The following MCM3AP variants were observed in gnomAD, a reference collection of about 807,000 sequenced individuals.
MCM3AP encodes the protein germinal-center associated nuclear protein.
A neutral mutation model predicts 184.1 loss-of-function variants in MCM3AP; 126 were observed. That is an observed-to-expected ratio of 0.68 (90% confidence interval 0.59 to 0.79). MCM3AP has a LOEUF of 0.79. Among genes scored for constraint, MCM3AP ranks in the 30% least tolerant of loss-of-function variants. The pLI is 0.00. For synonymous variants in MCM3AP, 1,002 were observed against 979.3 expected (o/e 1.02, Z -0.43); for missense variants, 2,496 against 2,479.2 (o/e 1.01, Z -0.14).
chr21:46,280,279 T>C (rs1348119100), intron 3 of MCM3AP, 142 bp from the exon 4 acceptor site: 2 of 1,023,580 alleles, frequency 2.0e-6, no homozygotes, highest in African/African-American at 3.3e-5. Context: ...AACTGTGAGA[T>C]GCAAATCCAC....
At chr21:46,249,204 C>T (rs2080829732) in intron 20 of MCM3AP, among the ~76,000 whole-genome samples, 1 of 152,084 alleles carries the variant, frequency 6.6e-6, no homozygotes, top group Non-Finnish European at 1.5e-5. Flanking sequence ...AATTTTCTTT[C>T]TTTTGAGACG....
In MCM3AP at chr21:46,243,671, G is replaced by A. The variant is rs772187537; in HGVS notation, c.5090C>T (p.Pro1697Leu). ...SMVVQYASQI[P>L]SSRQTQPVLQ... ...GACAGGCTGTGTCTGGCGTGAGCTG[G>A]GGATCTGGGAGGCGTACTGGACAAC... Residue 1697 changes from proline (P) to leucine (L), a missense_variant, in exon 24 of 28, where the codon CCC becomes CTC. By Grantham distance (98) the Pro-to-Leu change is moderately conservative. Coordinates refer to ENST00000291688, the MANE Select transcript of MCM3AP (RefSeq NM_003906.5). 2.7e-5 allele frequency: 44 copies of A among 1,614,098 alleles called. No individual in the cohort carries two copies. The highest frequency in any genetic ancestry group is 3.6e-5 in the Non-Finnish European group (42 of 1,180,058).
At chr21:46,235,657 T>G (rs1055713311) in intron 27 of MCM3AP, among the ~76,000 whole-genome samples, 1 of 152,216 alleles carries the variant, frequency 6.6e-6, no homozygotes, top group African/African-American at 2.4e-5. Context: ...ATGAACAATT[T>G]CCAGTGTCAG....
intron 26 of MCM3AP, among the ~76,000 whole-genome samples, chr21:46,239,013 G>C (rs2080599283): frequency 6.6e-6 from 1 of 152,224 alleles, no homozygotes; most frequent in Non-Finnish European, 1.5e-5. Context: ...GGGCCTAACA[G>C]AAGCAGACAT....
chr21:46,265,945 C>G lies in MCM3AP; in HGVS notation c.3011G>C (p.Arg1004Thr). The G allele has an allele frequency of 6.3e-7, 1 of 1,590,298 alleles. No individual in the cohort carries two copies. The highest frequency in any genetic ancestry group is 1.7e-4 in the Middle Eastern group (1 of 6,012). The stretch of plus-strand genomic sequence containing the variant: ...CTCACCCACTGTGTCGGAGCCGGGT[C>G]TCTGGGTGCTGACGGGCAGCTCCGC... ...LAAELPVSTQRPGSDTVGGGR... is the reference protein window; with the variant it reads ...LAAELPVSTQTPGSDTVGGGR... Residue 1004 changes from arginine to threonine, a missense_variant, in exon 11 of 28, where the codon AGA becomes ACA. Coordinates refer to ENST00000291688, the MANE Select transcript of MCM3AP (RefSeq NM_003906.5).
At chr21:46,235,543 T>C in intron 27 of MCM3AP, 117 bp from the exon 28 acceptor site, 1 of 818,430 alleles carries the variant, frequency 1.2e-6, no homozygotes, top group Non-Finnish European at 1.9e-6. Flanking sequence ...GTCATTTATT[T>C]TTACAGAGGG....
chr21:46,264,105 G>C lies in MCM3AP; in HGVS notation c.3335+12C>G. The C allele has an allele frequency of 6.2e-7, 1 of 1,603,156 alleles. No homozygotes were observed. Among genetic ancestry groups the C allele is most frequent in the Non-Finnish European group, 8.5e-7 (1 of 1,170,508 alleles). On this transcript the variant is annotated intron_variant, in intron 13 of 27. Transcript: ENST00000291688. ...AGCACGTAGCAGGAGGGGAGCACGA[G>C]ATGCCACTCACCCCAGGGCGGCAGC...
At chr21:46,247,072 T>G in intron 20 of MCM3AP, 186 bp from the exon 21 acceptor site, 1 of 571,326 alleles carries the variant, frequency 1.8e-6, no homozygotes, top group Non-Finnish European at 3.1e-6. Flanking sequence ...TTATTTTAAT[T>G]CCTGGCCCCT....
At chr21:46,279,055 G>A (rs906259195) in intron 4 of MCM3AP, among the ~76,000 whole-genome samples, 5 of 151,468 alleles carry the variant, frequency 3.3e-5, no homozygotes, top group Non-Finnish European at 7.4e-5. Context: ...GCATGGTTTG[G>A]CCGGGCATGC....
chr21:46,269,875 A>G (rs1348098504), intron 9 of MCM3AP, among the ~76,000 whole-genome samples: 1 of 152,208 alleles, frequency 6.6e-6, no homozygotes, highest in East Asian at 1.9e-4. Flanking sequence ...GAAGTGGAAC[A>G]AAATAACCGA....
In MCM3AP at chr21:46,284,298, T is replaced by C; in HGVS notation, c.989A>G (p.Asn330Ser). The change falls in exon 1 of 28, where the codon AAT becomes AGT. Residue 330 changes from asparagine to serine, a missense_variant. By Grantham distance (46) the Asn-to-Ser change is conservative. This residue lies in a region of MCM3AP where 800 missense variants were observed against 717.1 expected (regional missense o/e 1.12). Coordinates refer to ENST00000291688, the MANE Select transcript of MCM3AP (RefSeq NM_003906.5). ...HPPDKRPVRL[N>S]RPRGGTLFGR... ...AAATAAAGTACCTCCCCGGGGTCGA[T>C]TCAGGCGGACAGGTCGTTTGTCTGG... is the stretch of plus-strand genomic sequence containing the variant. The C allele has an allele frequency of 6.2e-7, 1 of 1,614,212 alleles. No homozygotes were observed. Among genetic ancestry groups the C allele is most frequent in the East Asian group, 2.2e-5 (1 of 44,878 alleles).
chr21:46,242,762 G>C, intron 25 of MCM3AP, 40 bp downstream of exon 25: 1 of 1,578,230 alleles, frequency 6.3e-7, no homozygotes, highest in Non-Finnish European at 8.6e-7. Flanking sequence ...GAAAAATACA[G>C]TTTAGCAAGC....
intron 13 of MCM3AP, among the ~76,000 whole-genome samples, 184 bp from the exon 14 acceptor site, chr21:46,261,595 C>T (rs774947551): frequency 6.6e-6 from 1 of 151,748 alleles, no homozygotes; most frequent in Non-Finnish European, 1.5e-5. Flanking sequence ...TAGCCAGGCG[C>T]GGCAGCACAC....
At chr21:46,260,071 G>A (rs530345986) in intron 15 of MCM3AP, among the ~76,000 whole-genome samples, 19 of 151,586 alleles carry the variant, frequency 1.3e-4, no homozygotes, top group South Asian at 4.2e-4. Context: ...GCAAGACTCC[G>A]TCTTTAAAAA....
Position 46,284,993 on chromosome 21 carries a change from C to T in MCM3AP, c.294G>A (p.Gly98=). 1 of 1,614,092 alleles carries T rather than the reference C, an allele frequency of 6.2e-7. No individual in the cohort carries two copies. Among genetic ancestry groups the T allele is most frequent in the Non-Finnish European group, 8.5e-7 (1 of 1,179,998 alleles). The change falls in exon 1 of 28, where the codon GGG becomes GGA. Residue 98 remains glycine (G), a synonymous_variant. Transcript: ENST00000291688. The part of the protein sequence containing the change: ...EHTSTFVATS[G]PSSSSVLGNT... ...TTCCCAGCACAGATGAACTTGAAGG[C>T]CCAGAGGTAGCCACAAAGGTGGAAG...
chr21:46,243,510 G>C lies in MCM3AP; in HGVS notation c.5251C>G (p.His1751Asp). The change falls in exon 24 of 28, where the codon CAC becomes GAC. Residue 1751 changes from histidine to aspartate, a missense_variant. By Grantham distance (81) the His-to-Asp change is moderately conservative. Coordinates refer to ENST00000291688, the MANE Select transcript of MCM3AP (RefSeq NM_003906.5). ...WDDLIALCIN[H>D]KLRDWTPPRL... ...GGGGGCGTCCAGTCTCTCAGCTTGTGGTTGATACACAAGGCGATAAGATCA... is the reference window on the plus strand; with the variant it reads ...GGGGGCGTCCAGTCTCTCAGCTTGTCGTTGATACACAAGGCGATAAGATCA... 1 of 1,614,122 alleles carries C rather than the reference G, an allele frequency of 6.2e-7. No homozygotes were observed. Among genetic ancestry groups the C allele is most frequent in the Non-Finnish European group, 8.5e-7 (1 of 1,179,972 alleles).
intron 16 of MCM3AP, among the ~76,000 whole-genome samples, chr21:46,257,830 C>T (rs1379618677): frequency 6.7e-6 from 1 of 149,824 alleles, no homozygotes; most frequent in Non-Finnish European, 1.5e-5. Flanking sequence ...GAGGCTGAGG[C>T]AGAAGAATCA....
At chr21:46,272,495 C>T in intron 8 of MCM3AP, 66 bp downstream of exon 8, 1 of 1,507,098 alleles carries the variant, frequency 6.6e-7, no homozygotes, top group South Asian at 1.2e-5. Context: ...CTCCTGAAAG[C>T]TCTTCTCCTG....
At chr21:46,270,309 C>A (rs1457500592) in intron 9 of MCM3AP, 92 bp downstream of exon 9, 3 of 1,282,054 alleles carry the variant, frequency 2.3e-6, no homozygotes, top group Non-Finnish European at 3.3e-6. Context: ...AGCCTGAGAC[C>A]TCCTTTGAAA....
Sources: gnomAD v4.1 joint callset for allele counts (sites outside exome capture counted in the v4.1 genomes callset) on GRCh38, gnomAD v4.1.1 for gene constraint, gnomAD v4.1.1 regional missense constraint, MANE v1.5 for transcripts, NCBI Gene and HGNC (gene_info 2026-07-23, HGNC 2026-07-21) for gene names.